The following FAM227B variants were observed in gnomAD, a reference collection of about 807,000 sequenced individuals.
FAM227B encodes protein FAM227B.
FAM227B carries 88 observed loss-of-function variants against 73.8 expected under a neutral mutation model. The ratio of observed to expected loss-of-function variants is 1.19; its 90% confidence interval spans 1.00 to 1.42. FAM227B has a LOEUF of 1.42. FAM227B is among the 40% of genes most tolerant of loss of function. FAM227B has a pLI of 0.00. For missense variants in FAM227B, 632 were observed against 590.9 expected (o/e 1.07, Z -0.72); for synonymous variants, 210 against 190.5 (o/e 1.10, Z -0.84).
At chr15:49,347,790 G>A (rs2041716169) in intron 13 of FAM227B, among the ~76,000 whole-genome samples, 2 of 152,222 alleles carry the variant, frequency 1.3e-5, no homozygotes, top group South Asian at 4.1e-4. Context: ...AGGCTAAGGT[G>A]GGTGGATCAC....
chr15:49,408,499 G>A (rs924538981), intron 11 of FAM227B, among the ~76,000 whole-genome samples: 1 of 152,030 alleles, frequency 6.6e-6, no homozygotes, highest in Non-Finnish European at 1.5e-5. Flanking sequence ...TTGCTCTCTC[G>A]CTTTTCCTTC....
At chr15:49,513,881 GGTTTGCC>G (rs1813652839) in intron 10 of FAM227B, among the ~76,000 whole-genome samples, 1 of 152,058 alleles carries the variant, frequency 6.6e-6, no homozygotes, top group African/African-American at 2.4e-5. Context: ...GTTTTTGTCA[GGTTTGCC>G]AAAGATCAGA....
In FAM227B at chr15:49,591,026, TTTG is replaced by T. The variant is rs2076500838; in HGVS notation, c.106-1022_106-1020del. 2.2e-5 allele frequency among the ~76,000 whole-genome samples: 3 copies of T among 137,936 alleles called. 1 individual carries two copies. The highest frequency in any genetic ancestry group is 4.7e-4 in the South Asian group (2 of 4,298). The allele number at this position is 137,936 out of a possible 152,430, so 90.5% of individuals were successfully genotyped here. The stretch of plus-strand genomic sequence containing the variant: ...TTCTTTTCTTTCTCTTTCTCTTTTT[TTTG>T]TTTTTTTTTTTTTTGATTTTTTTTT... On this transcript the variant is annotated intron_variant, in intron 3 of 15. Transcript: ENST00000299338.
chr15:49,549,220 A>T (rs1269588481), intron 9 of FAM227B, among the ~76,000 whole-genome samples: 1 of 152,116 alleles, frequency 6.6e-6, no homozygotes, highest in African/African-American at 2.4e-5. Flanking sequence ...CGTTTGTTTA[A>T]AGAGATTTTT....
chr15:49,452,047 A>ATT (rs1004537305), intron 11 of FAM227B, among the ~76,000 whole-genome samples: 1 of 146,426 alleles, frequency 6.8e-6, no homozygotes, highest in African/African-American at 2.5e-5. Flanking sequence ...TACCAACCAG[A>ATT]TTTTTTTTTT....
At chr15:49,417,913 A>G (rs778854823) in intron 11 of FAM227B, among the ~76,000 whole-genome samples, 35 of 152,224 alleles carry the variant, frequency 2.3e-4, no homozygotes, top group Non-Finnish European at 4.0e-4. Flanking sequence ...AATTTTTGCA[A>G]ACAATGCATC....
intron 10 of FAM227B, among the ~76,000 whole-genome samples, chr15:49,535,972 C>A (rs1022591026): frequency 6.7e-6 from 1 of 149,720 alleles, no homozygotes; most frequent in East Asian, 2.0e-4. Flanking sequence ...ATTGGAAAAA[C>A]CAGAACACTT....
At chr15:49,580,706 A>C (rs2075756321) in intron 5 of FAM227B, among the ~76,000 whole-genome samples, 1 of 152,234 alleles carries the variant, frequency 6.6e-6, no homozygotes, top group Admixed American at 6.5e-5. Context: ...TTCAGAAGAA[A>C]CTGAAACCAA....
chr15:49,372,715 G>T (rs138787676), intron 11 of FAM227B, among the ~76,000 whole-genome samples: 2 of 152,094 alleles, frequency 1.3e-5, no homozygotes, highest in African/African-American at 4.8e-5. Flanking sequence ...CTTAACATCT[G>T]AGAAAAAAGG....
At chr15:49,505,386 C>A (rs2058504351) in intron 11 of FAM227B, among the ~76,000 whole-genome samples, 1 of 151,888 alleles carries the variant, frequency 6.6e-6, no homozygotes. Flanking sequence ...TAAATATATG[C>A]AATTTATTGT....
chr15:49,608,827 A>G (rs2077692546), intron 3 of FAM227B, among the ~76,000 whole-genome samples: 1 of 152,032 alleles, frequency 6.6e-6, no homozygotes, highest in Non-Finnish European at 1.5e-5. Context: ...CTACCAGATA[A>G]AAGTTGCATG....
intron 3 of FAM227B, among the ~76,000 whole-genome samples, chr15:49,604,537 T>G (rs1167058639): frequency 2.6e-5 from 4 of 152,192 alleles, no homozygotes; most frequent in Non-Finnish European, 5.9e-5. Flanking sequence ...TTCTTCTTTG[T>G]CTTAATCTAT....
In FAM227B at chr15:49,377,144, T is replaced by C. The variant is rs1450613322; in HGVS notation, c.1013-5745A>G. Among the ~76,000 whole-genome samples the C allele has an allele frequency of 2.6e-5, 4 of 152,136 alleles. No homozygotes were observed. In the East Asian group the frequency reaches 7.7e-4, roughly 29 times the overall value. On this transcript the variant is annotated intron_variant, in intron 11 of 15. Transcript: ENST00000299338. ...TGAGAACATGCAATGTTTGTCTTTC[T>C]GTGCCTGGCTTATTTCACTCCAGTT...
intron 5 of FAM227B, among the ~76,000 whole-genome samples, chr15:49,579,805 T>C (rs959492967): frequency 3.3e-5 from 5 of 152,202 alleles, no homozygotes; most frequent in Non-Finnish European, 5.9e-5. Context: ...TTTGAAATGT[T>C]CCTGACACAA....
intron 11 of FAM227B, among the ~76,000 whole-genome samples, chr15:49,410,342 C>T (rs776234035): frequency 6.6e-6 from 1 of 152,158 alleles, no homozygotes; most frequent in Non-Finnish European, 1.5e-5. Flanking sequence ...TTGTTTCATG[C>T]TGCCTCTGAA....
intron 11 of FAM227B, among the ~76,000 whole-genome samples, chr15:49,381,818 G>T (rs1207596315): frequency 6.6e-6 from 1 of 152,116 alleles, no homozygotes; most frequent in Non-Finnish European, 1.5e-5. Flanking sequence ...TGTTAAGTAG[G>T]AGAGTTTAGT....
chr15:49,332,670 A>G (rs973379428), intron 14 of FAM227B, among the ~76,000 whole-genome samples: 1 of 152,252 alleles, frequency 6.6e-6, no homozygotes. Context: ...TTCACTGGCA[A>G]TTTTCAAGTG....
rs77621865 is a variant in FAM227B, at chr15:49,556,180, T to C, written c.747+12065A>G. Among the ~76,000 whole-genome samples the C allele has an allele frequency of 6.2e-3, 952 of 152,342 alleles. 15 individuals are homozygous for C. The highest frequency in any genetic ancestry group is 0.022 in the African/African-American group (921 of 41,572). Reference sequence around the variant, plus strand: ...TGAGTTCCCAGAGTTCTTGCACTTGTTCCTTCTCATCTTCATGAGCTGATG... The same window carrying C: ...TGAGTTCCCAGAGTTCTTGCACTTGCTCCTTCTCATCTTCATGAGCTGATG... On this transcript the variant is annotated intron_variant, in intron 9 of 15. Transcript: ENST00000299338.
In FAM227B at chr15:49,327,876, T is replaced by C. The variant is rs1010306020; in HGVS notation, c.*692A>G. 6.5e-6 allele frequency: 9 copies of C among 1,376,882 alleles called. No homozygotes were observed. Among genetic ancestry groups the C allele is most frequent in the Non-Finnish European group, 9.0e-6 (9 of 1,000,682 alleles). 85.3% of individuals were successfully genotyped at this position (1,376,882 alleles called of 1,614,324 possible). On this transcript the variant is annotated 3_prime_UTR_variant, in exon 16 of 16. Coordinates refer to ENST00000299338, the MANE Select transcript of FAM227B (RefSeq NM_152647.3). ...TTCTTCTTAGAACTTAGATAGGCTA[T>C]GTGTTCTACAAACACCAAGCAAATC... is the stretch of plus-strand genomic sequence containing the variant.
Sources: allele counts gnomAD v4.1 joint callset (sites outside exome capture counted in the v4.1 genomes callset), GRCh38; gene constraint gnomAD v4.1.1; transcripts MANE v1.5; gene names NCBI Gene and HGNC (gene_info 2026-07-23, HGNC 2026-07-21).